ZNF407: variants seen among roughly 807,000 people sequenced by gnomAD.
ZNF407 encodes zinc finger protein 407.
In ZNF407, 17 loss-of-function variants were observed where a neutral mutation model predicts 131.2. That is an observed-to-expected ratio of 0.13 (90% confidence interval 0.09 to 0.19). ZNF407 has a LOEUF of 0.19. Among genes scored for constraint, ZNF407 ranks in the 10% least tolerant of loss-of-function variants. The pLI is 1.00. For synonymous variants in ZNF407, 1,156 were observed against 1,062.0 expected, an observed-to-expected ratio of 1.09 and a Z score of -1.72; for missense variants, 2,681 against 2,830.6, an observed-to-expected ratio of 0.95 and a Z score of 1.20.
At chr18:75,029,969 TG>T in intron 8 of ZNF407, among the ~76,000 whole-genome samples, 1 of 152,324 alleles carries the variant, frequency 6.6e-6, no homozygotes, top group African/African-American at 2.4e-5. Flanking sequence ...ATTAAAAATA[TG>T]GGGAAGAGGT....
Position 74,872,281 on chromosome 18 carries a change from A to C in ZNF407, c.4878-4916A>C, listed in dbSNP as rs1035837206. Among the ~76,000 whole-genome samples, 22 of 151,886 alleles carry C rather than the reference A, an allele frequency of 1.4e-4. 1 individual carries two copies. The highest frequency in any genetic ancestry group is 5.3e-4 in the African/African-American group (22 of 41,396). Reference sequence around the variant, plus strand: ...TTATTTTGTTGCAACATTTTATATAAATGATACAGTTTCACACCCAACTTG... The same window carrying C: ...TTATTTTGTTGCAACATTTTATATACATGATACAGTTTCACACCCAACTTG... On this transcript the variant is annotated intron_variant, in intron 4 of 8. Transcript: ENST00000299687.
intron 3 of ZNF407, among the ~76,000 whole-genome samples, chr18:74,641,965 A>G (rs1984741798): frequency 6.6e-6 from 1 of 152,146 alleles, no homozygotes; most frequent in African/African-American, 2.4e-5. Flanking sequence ...TCTTATGGCT[A>G]ATTCACAAAA....
At chr18:74,772,792 A>G (rs761641703) in intron 3 of ZNF407, among the ~76,000 whole-genome samples, 6 of 152,108 alleles carry the variant, frequency 3.9e-5, no homozygotes, top group South Asian at 4.1e-4. Context: ...TCACGGGGGT[A>G]TGTGGAGTGA....
intron 8 of ZNF407, among the ~76,000 whole-genome samples, chr18:75,042,956 T>G (rs73478515): frequency 0.015 from 2,258 of 152,310 alleles, 19 homozygotes; most frequent in Middle Eastern, 0.051. Context: ...GTGATGGACA[T>G]TAGGTTGCTT....
intron 3 of ZNF407, among the ~76,000 whole-genome samples, chr18:74,676,676 T>C (rs533588): frequency 0.019 from 2,801 of 150,046 alleles, 44 homozygotes; most frequent in African/African-American, 0.04. Flanking sequence ...CCTCGTGATC[T>C]GCCCGCCTTG....
intron 4 of ZNF407, among the ~76,000 whole-genome samples, chr18:74,838,032 C>G (rs1480889468): frequency 1.3e-5 from 2 of 152,176 alleles, no homozygotes; most frequent in African/African-American, 4.8e-5. Flanking sequence ...AACATTATTA[C>G]TTACAGATAT....
chr18:74,871,613 T>C (rs1043965493), intron 4 of ZNF407, among the ~76,000 whole-genome samples: 5 of 152,160 alleles, frequency 3.3e-5, no homozygotes, highest in African/African-American at 9.7e-5. Flanking sequence ...TTAAATACTT[T>C]GATAAAATTT....
At chr18:74,741,678 T>A (rs899945307) in intron 3 of ZNF407, among the ~76,000 whole-genome samples, 1 of 152,172 alleles carries the variant, frequency 6.6e-6, no homozygotes, top group African/African-American at 2.4e-5. Flanking sequence ...CATGCCTGAT[T>A]TGCACATTTC....
chr18:74,782,196 G>GATTTTCAGCTTCCCTCAGATTCTCCA (rs1969615937), intron 4 of ZNF407, among the ~76,000 whole-genome samples: 1 of 152,136 alleles, frequency 6.6e-6, no homozygotes, highest in Non-Finnish European at 1.5e-5. Flanking sequence ...AGTCAGGATA[G>GATTTTCAGCTTCCCTCAGATTCTCCA]ATTTTCAGCT....
At chr18:74,741,302 GTA>G (rs1414132802) in intron 3 of ZNF407, among the ~76,000 whole-genome samples, 2 of 152,102 alleles carry the variant, frequency 1.3e-5, no homozygotes, top group Admixed American at 6.6e-5. Context: ...GTGAATGTGT[GTA>G]TATGTGTATC....
intron 7 of ZNF407, among the ~76,000 whole-genome samples, chr18:74,919,418 T>C: frequency 6.6e-6 from 1 of 151,956 alleles, no homozygotes; most frequent in East Asian, 1.9e-4. Flanking sequence ...CAGTGCACTG[T>C]GAGATGTGTT....
At chr18:74,708,072 G>C (rs1221508400) in intron 3 of ZNF407, among the ~76,000 whole-genome samples, 1 of 152,106 alleles carries the variant, frequency 6.6e-6, no homozygotes, top group East Asian at 1.9e-4. Flanking sequence ...TGTGCATGAT[G>C]TCATCTAAAA....
At chr18:74,780,957 T>A (rs1364207440) in intron 3 of ZNF407, among the ~76,000 whole-genome samples, 3 of 152,176 alleles carry the variant, frequency 2.0e-5, no homozygotes, top group Non-Finnish European at 4.4e-5. Flanking sequence ...GTATTATTTT[T>A]AAAAACCTCT....
intron 6 of ZNF407, among the ~76,000 whole-genome samples, chr18:74,882,732 C>A (rs1281621483): frequency 6.6e-6 from 1 of 152,130 alleles, no homozygotes; most frequent in East Asian, 1.9e-4. Flanking sequence ...TGATTTTAAC[C>A]ACTGGCTTCA....
intron 4 of ZNF407, among the ~76,000 whole-genome samples, chr18:74,786,495 G>A (rs992876712): frequency 1.8e-4 from 27 of 150,614 alleles, no homozygotes; most frequent in Admixed American, 1.5e-3. Flanking sequence ...CCCCATGATG[G>A]CCAATTTAGG....
At chr18:74,813,979 A>T (rs1319632235) in intron 4 of ZNF407, among the ~76,000 whole-genome samples, 1 of 152,134 alleles carries the variant, frequency 6.6e-6, no homozygotes, top group Non-Finnish European at 1.5e-5. Context: ...ATGTAAGTGG[A>T]TGTCCCATTA....
chr18:74,877,600 CTA>C (rs1971177364), intron 5 of ZNF407, among the ~76,000 whole-genome samples: 1 of 152,064 alleles, frequency 6.6e-6, no homozygotes, highest in Non-Finnish European at 1.5e-5. Context: ...TAAAATAAGT[CTA>C]TATTTAGAAG....
At chr18:74,852,191 ACACACACGCACGCACGCACG>A (rs1389174632) in intron 4 of ZNF407, among the ~76,000 whole-genome samples, 17 of 74,268 alleles carry the variant, frequency 2.3e-4, no homozygotes, top group Admixed American at 9.0e-4. Context: ...ACACACACAC[ACACACACGCACGCACGCACG>A]CGCACGCGCG....
At chr18:75,035,884 G>A (rs1007736061) in intron 8 of ZNF407, among the ~76,000 whole-genome samples, 2 of 152,250 alleles carry the variant, frequency 1.3e-5, no homozygotes, top group African/African-American at 2.4e-5. Context: ...GTGTCAAGAA[G>A]AATAATGTCT....
Sources: gnomAD v4.1 joint callset for allele counts (sites outside exome capture counted in the v4.1 genomes callset) on GRCh38, gnomAD v4.1.1 for gene constraint, MANE v1.5 for transcripts, NCBI Gene and HGNC (gene_info 2026-07-23, HGNC 2026-07-21) for gene names.